RBFOX3: variants seen among roughly 807,000 people sequenced by gnomAD.
The protein encoded by RBFOX3 is RNA binding protein fox-1 homolog 3.
In RBFOX3, 17 loss-of-function variants were observed where a neutral mutation model predicts 48.7. The observed-to-expected ratio is 0.35, with a 90% CI of 0.24 to 0.52. The LOEUF (loss-of-function observed/expected upper bound fraction) is 0.52, where lower values mean the gene tolerates loss of function less well. Among genes scored for constraint, RBFOX3 ranks in the 20% least tolerant of loss-of-function variants. RBFOX3 has a pLI of 0.94. For synonymous variants in RBFOX3, 212 were observed against 209.5 expected (o/e 1.01, Z -0.10); for missense variants, 382 against 497.5 (o/e 0.77, Z 2.21).
intron 4 of RBFOX3, among the ~76,000 whole-genome samples, chr17:79,139,365 T>G (rs76539504): frequency 0.063 from 9,650 of 152,268 alleles, 648 homozygotes; most frequent in African/African-American, 0.17. Flanking sequence ...GGTCCACCTG[T>G]CATCCAGATG....
chr17:79,366,712 T>C (rs1039832373), intron 2 of RBFOX3, among the ~76,000 whole-genome samples: 14 of 151,978 alleles, frequency 9.2e-5, no homozygotes, highest in African/African-American at 3.4e-4. Flanking sequence ...GCAGAGGCAA[T>C]GTTTGAGGAG....
chr17:79,556,757 G>C (rs1171984252), intron 1 of RBFOX3, among the ~76,000 whole-genome samples: 1 of 152,224 alleles, frequency 6.6e-6, no homozygotes, highest in Non-Finnish European at 1.5e-5. Flanking sequence ...TCAACGTCTT[G>C]AGATGGCAAA....
chr17:79,612,908 T>C (rs2093979928), upstream of RBFOX3, among the ~76,000 whole-genome samples: 1 of 152,184 alleles, frequency 6.6e-6, no homozygotes, highest in Non-Finnish European at 1.5e-5. Flanking sequence ...CGCTTGTCCC[T>C]TGCCCACATT....
At chr17:79,236,331 C>T (rs779793606) in intron 3 of RBFOX3, among the ~76,000 whole-genome samples, 1 of 152,122 alleles carries the variant, frequency 6.6e-6, no homozygotes, top group Non-Finnish European at 1.5e-5. Context: ...GAGTCTCGCT[C>T]TGTCTGGAAT....
the RBFOX3 span, among the ~76,000 whole-genome samples, chr17:79,661,730 GC>G: frequency 4.6e-5 from 7 of 152,174 alleles, no homozygotes; most frequent in East Asian, 1.9e-4. Flanking sequence ...ATATAGGGAT[GC>G]CCCAATCATT....
upstream of RBFOX3, among the ~76,000 whole-genome samples, chr17:79,615,291 A>T (rs1453838718): frequency 6.6e-6 from 1 of 152,124 alleles, no homozygotes; most frequent in Non-Finnish European, 1.5e-5. Flanking sequence ...CGACAAAATT[A>T]TTTCCCACAC....
rs11384352 is a variant in RBFOX3, at chr17:79,243,202, G to GT, written c.-73-7398_-73-7397insA. Among the ~76,000 whole-genome samples, 145,849 of 152,120 alleles carry GT rather than the reference G, an allele frequency of 0.96. 70,223 individuals are homozygous for GT. The highest frequency in any genetic ancestry group is 1 in the East Asian group (5,140 of 5,140). On this transcript the variant is annotated intron_variant, in intron 3 of 14. Transcript: ENST00000693108. The surrounding 1 kb of genome is among the most constrained non-coding windows in gnomAD (Gnocchi z 7.9). ...TGGTAGCGGTTGCAGCTGAGTTTGC[G>GT]CGAGACCCACCTGACCACAACCTTG...
rs554212524 is a variant in RBFOX3, at chr17:79,537,316, T to C, written c.-319-54718A>G. On this transcript the variant is annotated intron_variant, in intron 1 of 14. Coordinates refer to ENST00000693108, the MANE Select transcript of RBFOX3 (RefSeq NM_001350451.2). Reference sequence around the variant, plus strand: ...ACTCCTGGCTCTGCCTCCATCATCATGTGGCCCTCTCCCTGTGCATCCGTT... The same window carrying C: ...ACTCCTGGCTCTGCCTCCATCATCACGTGGCCCTCTCCCTGTGCATCCGTT... 2.5e-4 allele frequency among the ~76,000 whole-genome samples: 38 copies of C among 152,304 alleles called. 1 individual carries two copies. The highest frequency in any genetic ancestry group is 8.9e-4 in the African/African-American group (37 of 41,570).
chr17:79,261,899 G>A (rs58654310), intron 3 of RBFOX3, among the ~76,000 whole-genome samples: 4,150 of 152,246 alleles, frequency 0.027, 52 homozygotes, highest in South Asian at 0.04. Flanking sequence ...GGCCGGCCCC[G>A]CGGAATTGTG....
At chr17:79,472,683 A>T (rs1598846100) in intron 2 of RBFOX3, among the ~76,000 whole-genome samples, 1 of 152,166 alleles carries the variant, frequency 6.6e-6, no homozygotes, top group South Asian at 2.1e-4. Flanking sequence ...GAGGGGCTTC[A>T]CCATGGCAGC....
At chr17:79,177,294 G>C (rs1179029671) in intron 4 of RBFOX3, among the ~76,000 whole-genome samples, 1 of 152,216 alleles carries the variant, frequency 6.6e-6, no homozygotes, top group African/African-American at 2.4e-5. Flanking sequence ...CAGAGGACAG[G>C]AGACAGAAGG....
intron 3 of RBFOX3, among the ~76,000 whole-genome samples, chr17:79,285,989 T>C (rs1055260677): frequency 1.3e-5 from 2 of 152,190 alleles, no homozygotes; most frequent in Non-Finnish European, 2.9e-5. Flanking sequence ...GGCCTGTGCA[T>C]TGGGTTTTGT....
rs986768336 is a variant in RBFOX3, at chr17:79,510,200, G to A, written c.-319-27602C>T. On this transcript the variant is annotated intron_variant, in intron 1 of 14. Transcript: ENST00000693108. ...TGTCTGGTGTCGACAGAGGTGCCAC[G>A]GAAAAGCCACCAGCCCTTCCCATCG... Among the ~76,000 whole-genome samples the A allele has an allele frequency of 6.6e-5, 10 of 152,178 alleles. No homozygotes were observed. In the East Asian group the frequency reaches 1.4e-3, roughly 21 times the overall value.
intron 1 of RBFOX3, among the ~76,000 whole-genome samples, chr17:79,581,603 G>A (rs1365308532): frequency 5.3e-5 from 8 of 152,222 alleles, no homozygotes; most frequent in South Asian, 2.1e-4. Context: ...GCCTTGCCCC[G>A]AGGCTGAGGA....
At chr17:79,620,124 T>TACACACATGCACACGCGC in the RBFOX3 span, among the ~76,000 whole-genome samples, 1 of 111,652 alleles carries the variant, frequency 9.0e-6, no homozygotes, top group South Asian at 3.0e-4. Flanking sequence ...TATGCACACA[T>TACACACATGCACACGCGC]ACACACATGC....
intron 1 of RBFOX3, among the ~76,000 whole-genome samples, chr17:79,490,705 G>T (rs2080354559): frequency 7.3e-6 from 1 of 136,864 alleles, no homozygotes; most frequent in Admixed American, 7.8e-5. Context: ...GGCACCTGTT[G>T]AGGGGCCTGC....
At chr17:79,163,494 C>T (rs2047380887) in intron 4 of RBFOX3, among the ~76,000 whole-genome samples, 1 of 152,228 alleles carries the variant, frequency 6.6e-6, no homozygotes, top group Non-Finnish European at 1.5e-5. Flanking sequence ...TTGCAGAGAT[C>T]CTGTCATTCA....
In RBFOX3 at chr17:79,364,521, G is replaced by A. The variant is rs1266433431; in HGVS notation, c.-174-56697C>T. Among the ~76,000 whole-genome samples, 1 of 152,244 alleles carries A rather than the reference G, an allele frequency of 6.6e-6. No homozygotes were observed. The highest frequency in any genetic ancestry group is 1.5e-5 in the Non-Finnish European group (1 of 68,052). On this transcript the variant is annotated intron_variant, in intron 2 of 14. Coordinates refer to ENST00000693108, the MANE Select transcript of RBFOX3 (RefSeq NM_001350451.2). The surrounding 1 kb of genome is among the most constrained non-coding windows in gnomAD (Gnocchi z 5.1). Reference sequence around the variant, plus strand: ...CAGGCATCTGATGGGTCAGTGCGCAGTTAATGAGTGTGTTGACTGCACAGA... The same window carrying A: ...CAGGCATCTGATGGGTCAGTGCGCAATTAATGAGTGTGTTGACTGCACAGA...
chr17:79,268,915 C>A (rs535107310), intron 3 of RBFOX3, among the ~76,000 whole-genome samples: 1 of 152,362 alleles, frequency 6.6e-6, no homozygotes, highest in African/African-American at 2.4e-5. Context: ...CCCTCTCACC[C>A]CCTTGTCTTC....
Sources: allele counts gnomAD v4.1 joint callset (sites outside exome capture counted in the v4.1 genomes callset), GRCh38; gene constraint gnomAD v4.1.1; non-coding constraint Gnocchi (gnomAD v3.1); transcripts MANE v1.5; gene names NCBI Gene and HGNC (gene_info 2026-07-23, HGNC 2026-07-21).